The following PARP8 variants were observed in gnomAD, a reference collection of about 807,000 sequenced individuals.
PARP8 encodes protein mono-ADP-ribosyltransferase PARP8.
PARP8 carries 51 observed loss-of-function variants against 124.1 expected under a neutral mutation model. The observed-to-expected ratio is 0.41, with a 90% CI of 0.33 to 0.52. The LOEUF (loss-of-function observed/expected upper bound fraction) is 0.52, where lower values mean the gene tolerates loss of function less well. PARP8 is among the 20% of genes least tolerant of loss of function. The pLI, the probability that PARP8 is intolerant of heterozygous loss-of-function variation, is 0.21. For synonymous variants in PARP8, 391 were observed against 361.5 expected, an observed-to-expected ratio of 1.08 and a Z score of -0.93; for missense variants, 860 against 1,018.9, an observed-to-expected ratio of 0.84 and a Z score of 2.12.
chr5:50,810,422 T>C (rs973920353), intron 14 of PARP8, among the ~76,000 whole-genome samples: 4 of 152,070 alleles, frequency 2.6e-5, no homozygotes, highest in African/African-American at 4.8e-5. Context: ...GCTCTTAAAA[T>C]GACTATGTGC....
intron 7 of PARP8, among the ~76,000 whole-genome samples, chr5:50,764,251 C>G (rs1212179323): frequency 6.6e-6 from 1 of 152,166 alleles, no homozygotes; most frequent in Non-Finnish European, 1.5e-5. Context: ...AGTGCTTTTT[C>G]TTGTTCGTTT....
chr5:50,719,161 T>G lies in PARP8; in HGVS notation c.147-30990T>G, dbSNP rs555045105. ...TTTTACCCATTTTTAAATTGGATTA[T>G]TTGACTTTCTTTATTGAGTTGTTTA... On this transcript the variant is annotated intron_variant, in intron 2 of 25. Coordinates refer to ENST00000281631, the MANE Select transcript of PARP8 (RefSeq NM_024615.4). 9.8e-4 allele frequency among the ~76,000 whole-genome samples: 149 copies of G among 152,208 alleles called. 1 individual carries two copies. The highest frequency in any genetic ancestry group is 3.4e-3 in the African/African-American group (142 of 41,550).
intron 2 of PARP8, among the ~76,000 whole-genome samples, chr5:50,715,271 A>G (rs574033621): frequency 6.6e-6 from 1 of 152,250 alleles, no homozygotes; most frequent in Admixed American, 6.5e-5. Context: ...TCCATACAGT[A>G]GAACAGTAGG....
intron 7 of PARP8, among the ~76,000 whole-genome samples, chr5:50,768,142 T>C (rs1761234096): frequency 2.0e-5 from 3 of 152,150 alleles, no homozygotes; most frequent in Non-Finnish European, 4.4e-5. Context: ...CATAACAGTG[T>C]AATGAATAAG....
chr5:50,811,784 T>C (rs573657051), intron 14 of PARP8, among the ~76,000 whole-genome samples: 182 of 152,238 alleles, frequency 1.2e-3, no homozygotes, highest in African/African-American at 4.3e-3. Context: ...TTCCCCACCC[T>C]GTGTCCAAGT....
chr5:50,823,330 C>A (rs949051767), intron 17 of PARP8, among the ~76,000 whole-genome samples: 1 of 152,054 alleles, frequency 6.6e-6, no homozygotes, highest in African/African-American at 2.4e-5. Flanking sequence ...CATTTTGATT[C>A]TTGATTCTTT....
At chr5:50,722,583 C>G (rs746516303) in intron 2 of PARP8, among the ~76,000 whole-genome samples, 7 of 152,058 alleles carry the variant, frequency 4.6e-5, no homozygotes, top group Non-Finnish European at 7.4e-5. Context: ...TATAGTATTA[C>G]CTAATGTCAT....
chr5:50,767,904 A>G (rs1183546788), intron 7 of PARP8, among the ~76,000 whole-genome samples: 1 of 152,190 alleles, frequency 6.6e-6, no homozygotes, highest in Non-Finnish European at 1.5e-5. Context: ...TTCTCAAAAT[A>G]TAACCATCCA....
At chr5:50,702,417 C>A (rs941586679) in intron 2 of PARP8, among the ~76,000 whole-genome samples, 2 of 152,110 alleles carry the variant, frequency 1.3e-5, no homozygotes, top group African/African-American at 4.8e-5. Flanking sequence ...TTTAATCTCA[C>A]ACCTGCCTGG....
At chr5:50,759,130 G>C (rs1306500980) in intron 3 of PARP8, among the ~76,000 whole-genome samples, 1 of 152,046 alleles carries the variant, frequency 6.6e-6, no homozygotes, top group Admixed American at 6.6e-5. Context: ...TGTTGGCCAG[G>C]CTGGTATCAA....
chr5:50,728,316 A>T (rs1195635039), intron 2 of PARP8, among the ~76,000 whole-genome samples: 1 of 152,176 alleles, frequency 6.6e-6, no homozygotes, highest in Non-Finnish European at 1.5e-5. Flanking sequence ...TTGCAATTAG[A>T]CTGACTTGAA....
chr5:50,767,385 C>T (rs188020831), intron 7 of PARP8, among the ~76,000 whole-genome samples: 1 of 152,156 alleles, frequency 6.6e-6, no homozygotes, highest in Non-Finnish European at 1.5e-5. Context: ...AACAGTCTGA[C>T]TCTGAAAATC....
intron 1 of PARP8, 118 bp downstream of exon 1, chr5:50,667,304 T>C (rs1428399619): frequency 2.8e-6 from 3 of 1,052,892 alleles, no homozygotes; most frequent in Non-Finnish European, 4.3e-6. Flanking sequence ...GGGGTTCATT[T>C]GGCAACAGCT....
intron 2 of PARP8, among the ~76,000 whole-genome samples, chr5:50,706,528 A>AT (rs1175927660): frequency 6.6e-6 from 1 of 152,098 alleles, no homozygotes; most frequent in Non-Finnish European, 1.5e-5. Context: ...AGTGATTAAG[A>AT]TTTTAAGAGC....
At chr5:50,742,306 A>G (rs1355963629) in intron 2 of PARP8, among the ~76,000 whole-genome samples, 3 of 152,192 alleles carry the variant, frequency 2.0e-5, no homozygotes, top group African/African-American at 4.8e-5. Context: ...TTCCCCACTC[A>G]CATAGTTACA....
chr5:50,778,209 G>A (rs1246660765), intron 8 of PARP8, 80 bp downstream of exon 8: 9 of 1,115,304 alleles, frequency 8.1e-6, no homozygotes, highest in Non-Finnish European at 1.2e-5. Context: ...TTAATTTTCA[G>A]TTTTGTCTTA....
chr5:50,749,283 A>C (rs547795364), intron 2 of PARP8, among the ~76,000 whole-genome samples: 1 of 152,210 alleles, frequency 6.6e-6, no homozygotes, highest in Non-Finnish European at 1.5e-5. Flanking sequence ...GGCTGAACAC[A>C]AACTAAAATT....
At chr5:50,681,022 T>C (rs1751232384) in intron 2 of PARP8, among the ~76,000 whole-genome samples, 1 of 152,164 alleles carries the variant, frequency 6.6e-6, no homozygotes. Context: ...AGATAGACTT[T>C]AGTTATCTTA....
intron 18 of PARP8, among the ~76,000 whole-genome samples, chr5:50,825,255 T>C (rs1200776273): frequency 6.6e-6 from 1 of 152,156 alleles, no homozygotes; most frequent in African/African-American, 2.4e-5. Flanking sequence ...TTTTAAAAGA[T>C]GTGATTAACT....
Sources: allele counts gnomAD v4.1 joint callset (sites outside exome capture counted in the v4.1 genomes callset), GRCh38; gene constraint gnomAD v4.1.1; transcripts MANE v1.5; gene names NCBI Gene and HGNC (gene_info 2026-07-23, HGNC 2026-07-21).